Variants in MFSD6 observed in about 807,000 individuals in gnomAD.
MFSD6 encodes the protein major facilitator superfamily domain containing 6, also known as major facilitator superfamily domain-containing protein 6.
A neutral mutation model predicts 56.3 loss-of-function variants in MFSD6; 26 were observed. The ratio of observed to expected loss-of-function variants is 0.46; its 90% CI spans 0.34 to 0.64. The LOEUF is 0.64. MFSD6 is among the 30% of genes least tolerant of loss of function. MFSD6 has a pLI of 0.01. For missense variants in MFSD6, 750 were observed against 986.2 expected (o/e 0.76, Z 3.21); for synonymous variants, 331 against 366.9 (o/e 0.90, Z 1.12).
chr2:190,427,937 G>C (rs576763867), intron 2 of MFSD6, among the ~76,000 whole-genome samples: 1 of 152,138 alleles, frequency 6.6e-6, no homozygotes, highest in Non-Finnish European at 1.5e-5. Context: ...TCACCACGTT[G>C]ATCAGACTGG....
rs763651332 is a variant in MFSD6 at position 190,489,899 on chromosome 2, ACAGTT to A, written c.1891+37_1891+41del. ...TTTCCATTCTTTCTTAATATTCCTA[ACAGTT>A]CAGGCCATGGGAAGTCAACAAATGC... On this transcript the variant is annotated intron_variant, in intron 6 of 7. Coordinates refer to ENST00000392328, the MANE Select transcript of MFSD6 (RefSeq NM_017694.4). The surrounding 1 kb of genome is among the most constrained non-coding windows in gnomAD (Gnocchi z 6.6). 6.3e-7 allele frequency: 1 copy of A among 1,583,636 alleles called. No individual in the cohort carries two copies. The highest frequency in any genetic ancestry group is 1.1e-5 in the South Asian group (1 of 88,346).
Position 190,471,099 on chromosome 2 carries a change from T to A in MFSD6, c.1630+1244T>A, listed in dbSNP as rs77532509. Among the ~76,000 whole-genome samples the A allele has an allele frequency of 6.6e-6, 1 of 152,230 alleles. No individual in the cohort carries two copies. Among genetic ancestry groups the A allele is most frequent in the Non-Finnish European group, 1.5e-5 (1 of 67,994 alleles). On this transcript the variant is annotated intron_variant, in intron 4 of 7. Transcript: ENST00000392328. The surrounding 1 kb of genome is among the most constrained non-coding windows in gnomAD (Gnocchi z 4.7). ...ATCTCAGTTTTGTGTCATTTAAGAATAACAGGAGGGTGGAGCCAAGATGGC... is the reference window on the plus strand; with the variant it reads ...ATCTCAGTTTTGTGTCATTTAAGAAAAACAGGAGGGTGGAGCCAAGATGGC...
rs562364842 is a variant in MFSD6, at chr2:190,457,709, T to C, written c.1533-12049T>C. 1.3e-5 allele frequency among the ~76,000 whole-genome samples: 2 copies of C among 152,190 alleles called. No individual in the cohort carries two copies. The highest frequency in any genetic ancestry group is 2.9e-5 in the Non-Finnish European group (2 of 68,026). ...GGTAGCTTACATATTTGCACAGTGT[T>C]TTGCAGTTTTTCTTTACATGCTTGT... is the stretch of plus-strand genomic sequence containing the variant. On this transcript the variant is annotated intron_variant, in intron 3 of 7. Transcript: ENST00000392328. This position sits in a 1 kb window ranked among gnomAD's most constrained non-coding sequence, Gnocchi z 5.1.
At position 190,488,101 on chromosome 2, in the gene MFSD6, C is replaced by T; in HGVS notation, c.1631-556C>T. Reference sequence around the variant, plus strand: ...GTATTTTAGTAGAGACAGGGTTTCACCATGTTGGCCAGGATGGTCTCAATC... The same window carrying T: ...GTATTTTAGTAGAGACAGGGTTTCATCATGTTGGCCAGGATGGTCTCAATC... On this transcript the variant is annotated intron_variant, in intron 4 of 7. Coordinates refer to ENST00000392328, the MANE Select transcript of MFSD6 (RefSeq NM_017694.4). The surrounding 1 kb of genome is among the most constrained non-coding windows in gnomAD (Gnocchi z 6.4). Among the ~76,000 whole-genome samples the T allele has an allele frequency of 6.6e-6, 1 of 152,168 alleles. No individual in the cohort carries two copies. Among genetic ancestry groups the T allele is most frequent in the Non-Finnish European group, 1.5e-5 (1 of 68,034 alleles).
rs1687071235 is a variant in MFSD6, at chr2:190,456,960, A to G, written c.1533-12798A>G. ...CCCCAGTCTTCCCAATGACTCGTCA[A>G]AGTTTAAAATGTCAACCGTCTTCTG... On this transcript the variant is annotated intron_variant, in intron 3 of 7. Transcript: ENST00000392328. The surrounding 1 kb of genome is among the most constrained non-coding windows in gnomAD (Gnocchi z 5.4). Among the ~76,000 whole-genome samples, 1 of 152,164 alleles carries G rather than the reference A, an allele frequency of 6.6e-6. No homozygotes were observed. The highest frequency in any genetic ancestry group is 2.4e-5 in the African/African-American group (1 of 41,414).
Position 190,458,777 on chromosome 2 carries a change from G to A in MFSD6, c.1533-10981G>A, listed in dbSNP as rs1687172664. ...CTGTATTGTCCAATTGAGAAGTCCA[G>A]CAAATGACCAGAGGTGTAGCTTTAA... On this transcript the variant is annotated intron_variant, in intron 3 of 7. Transcript: ENST00000392328. The surrounding 1 kb of genome is among the most constrained non-coding windows in gnomAD (Gnocchi z 5.3). 6.6e-6 allele frequency among the ~76,000 whole-genome samples: 1 copy of A among 152,180 alleles called. No individual in the cohort carries two copies. Among genetic ancestry groups the A allele is most frequent in the Non-Finnish European group, 1.5e-5 (1 of 68,032 alleles).
At position 190,437,059 on chromosome 2, in the gene MFSD6, A is replaced by G. The variant is rs753601688; in HGVS notation, c.1030A>G (p.Ile344Val). The change falls in exon 3 of 8, where the codon ATC becomes GTC. Residue 344 changes from isoleucine (I) to valine (V), a missense_variant. Physicochemically the swap from Ile to Val is conservative, Grantham distance 29. Coordinates refer to ENST00000392328, the MANE Select transcript of MFSD6 (RefSeq NM_017694.4). This position sits in a 1 kb window ranked among gnomAD's most constrained non-coding sequence, Gnocchi z 5.9. Reference sequence around the variant, plus strand: ...GGGCCTGGCGATGCTGTCTGTGGGCATCGGGATCGACTACACCCACATCGA... The same window carrying G: ...GGGCCTGGCGATGCTGTCTGTGGGCGTCGGGATCGACTACACCCACATCGA... ...GWGLAMLSVG[I>V]GIDYTHIEVL... 4 of 1,614,226 alleles carry G rather than the reference A, an allele frequency of 2.5e-6. No individual in the cohort carries two copies. The highest frequency in any genetic ancestry group is 3.4e-6 in the Non-Finnish European group (4 of 1,180,052).
Position 190,436,625 on chromosome 2 carries a change from G to T in MFSD6, c.596G>T (p.Arg199Ile). 5 of 1,614,172 alleles carry T rather than the reference G, an allele frequency of 3.1e-6. No individual in the cohort carries two copies. The highest frequency in any genetic ancestry group is 4.2e-6 in the Non-Finnish European group (5 of 1,180,040). Residue 199 changes from arginine to isoleucine, a missense_variant, in exon 3 of 8, where the codon AGA (arginine) becomes ATA (isoleucine). Coordinates refer to ENST00000392328, the MANE Select transcript of MFSD6 (RefSeq NM_017694.4). The surrounding 1 kb of genome is among the most constrained non-coding windows in gnomAD (Gnocchi z 5.3). Reference protein sequence around the residue: ...LTISPKMREKRNLLETRLNVS... With the variant: ...LTISPKMREKINLLETRLNVS... ...ATATCACCAAAAATGCGTGAGAAAA[G>T]AAACCTTTTGGAAACAAGGCTCAAT... is the stretch of plus-strand genomic sequence containing the variant.
Position 190,451,743 on chromosome 2 carries a change from G to C in MFSD6, c.1532+14182G>C, listed in dbSNP as rs1686781551. On this transcript the variant is annotated intron_variant, in intron 3 of 7. Coordinates refer to ENST00000392328, the MANE Select transcript of MFSD6 (RefSeq NM_017694.4). This position sits in a 1 kb window ranked among gnomAD's most constrained non-coding sequence, Gnocchi z 5.0. ...GAAAACCACACATGTGAATGGCCAG[G>C]GAGAGGGTAATAAAAGGACACCAGT... Among the ~76,000 whole-genome samples the C allele has an allele frequency of 6.6e-6, 1 of 152,234 alleles. No homozygotes were observed. The highest frequency in any genetic ancestry group is 6.5e-5 in the Admixed American group (1 of 15,282).
chr2:190,446,386 C>T (rs909083968), intron 3 of MFSD6, among the ~76,000 whole-genome samples: 38 of 152,228 alleles, frequency 2.5e-4, no homozygotes, highest in East Asian at 1.9e-4. Context: ...GTGTTCTGTC[C>T]GACAGAAAGG....
intron 3 of MFSD6, among the ~76,000 whole-genome samples, chr2:190,450,017 TAATAA>T (rs1435952460): frequency 3.3e-5 from 5 of 151,772 alleles, no homozygotes; most frequent in African/African-American, 4.8e-5. Flanking sequence ...AGTATAATAA[TAATAA>T]AATAAAATTA....
chr2:190,432,912 T>C (rs533082173), intron 2 of MFSD6, among the ~76,000 whole-genome samples: 2 of 149,968 alleles, frequency 1.3e-5, no homozygotes, highest in African/African-American at 4.9e-5. Context: ...ATAAATCTAA[T>C]ATAGCTAACT....
At position 190,434,188 on chromosome 2, in the gene MFSD6, AAAAAAAAG is replaced by A; in HGVS notation, c.-53-1781_-53-1774del. Among the ~76,000 whole-genome samples the A allele has an allele frequency of 6.6e-6, 1 of 151,292 alleles. No individual in the cohort carries two copies. The highest frequency in any genetic ancestry group is 1.9e-4 in the East Asian group (1 of 5,188). On this transcript the variant is annotated intron_variant, in intron 2 of 7. Transcript: ENST00000392328. The surrounding 1 kb of genome is among the most constrained non-coding windows in gnomAD (Gnocchi z 4.3). ...AGAGTAAGACCCTGTCTCTCAAAAA[AAAAAAAAG>A]AAAAAAAAGAAAAGAAGGTGAAAGG...
rs1350632916 is a variant in MFSD6 at position 190,415,742 on chromosome 2, T to C, written c.-54+329T>C. On this transcript the variant is annotated intron_variant, in intron 2 of 7. Coordinates refer to ENST00000392328, the MANE Select transcript of MFSD6 (RefSeq NM_017694.4). The surrounding 1 kb of genome is among the most constrained non-coding windows in gnomAD (Gnocchi z 4.5). The stretch of plus-strand genomic sequence containing the variant: ...GGATATAAATTATTCTTTTAGACTA[T>C]AGCACATTTAGGGGATGTAAGTAAA... 1.3e-5 allele frequency among the ~76,000 whole-genome samples: 2 copies of C among 152,232 alleles called. No individual in the cohort carries two copies. Among genetic ancestry groups the C allele is most frequent in the Non-Finnish European group, 2.9e-5 (2 of 68,040 alleles).
chr2:190,476,039 T>C (rs1196784187), intron 4 of MFSD6, among the ~76,000 whole-genome samples: 7 of 152,214 alleles, frequency 4.6e-5, no homozygotes, highest in Non-Finnish European at 7.3e-5. Context: ...ATCCCTTCCT[T>C]ACACCTTATA....
intron 2 of MFSD6, among the ~76,000 whole-genome samples, chr2:190,420,056 T>C (rs1685553241): frequency 1.7e-5 from 2 of 118,188 alleles, no homozygotes; most frequent in Admixed American, 2.1e-4. Context: ...CTCTATATTT[T>C]CAAGTTTCTT....
rs546032433 is a variant in MFSD6, at chr2:190,431,982, C to A, written c.-53-3995C>A. 6.6e-6 allele frequency among the ~76,000 whole-genome samples: 1 copy of A among 152,130 alleles called. No homozygotes were observed. The highest frequency in any genetic ancestry group is 2.1e-4 in the South Asian group (1 of 4,836). On this transcript the variant is annotated intron_variant, in intron 2 of 7. Transcript: ENST00000392328. This position sits in a 1 kb window ranked among gnomAD's most constrained non-coding sequence, Gnocchi z 4.4. ...ATAATCATATATTCAAAAGTATTTT[C>A]CTTTTTACTTGGCTTCTGATTTCTC...
At chr2:190,482,381 G>A (rs1688722341) in intron 4 of MFSD6, among the ~76,000 whole-genome samples, 1 of 150,948 alleles carries the variant, frequency 6.6e-6, no homozygotes, top group South Asian at 2.1e-4. Flanking sequence ...TCACCAAGTT[G>A]ACCTTTCGGA....
rs888614489 is a variant in MFSD6, at chr2:190,491,533, G to A, written c.1891+1667G>A. Among the ~76,000 whole-genome samples the A allele has an allele frequency of 3.3e-5, 5 of 152,182 alleles. No individual in the cohort carries two copies. The highest frequency in any genetic ancestry group is 5.9e-5 in the Non-Finnish European group (4 of 68,034). ...CAGCCTGGAGCCTGGTAGCCCTGCT[G>A]GGTGGGCTAGATCCAGAAGAGAAAT... is the stretch of plus-strand genomic sequence containing the variant. On this transcript the variant is annotated intron_variant, in intron 6 of 7. Coordinates refer to ENST00000392328, the MANE Select transcript of MFSD6 (RefSeq NM_017694.4). The surrounding 1 kb of genome is among the most constrained non-coding windows in gnomAD (Gnocchi z 4.2).
Sources: allele counts gnomAD v4.1 joint callset (sites outside exome capture counted in the v4.1 genomes callset), GRCh38; gene constraint gnomAD v4.1.1; non-coding constraint Gnocchi (gnomAD v3.1); transcripts MANE v1.5; gene names NCBI Gene and HGNC (gene_info 2026-07-23, HGNC 2026-07-21).